The following NAT9 variants were observed in gnomAD, a reference collection of about 807,000 sequenced individuals.
NAT9 encodes the protein alpha/beta-tubulin-N-acetyltransferase 9.
Under a neutral mutation model 24.0 loss-of-function variants are expected in NAT9, and 18 were observed. The ratio of observed to expected loss-of-function variants is 0.75; its 90% CI spans 0.52 to 1.11. The LOEUF (loss-of-function observed/expected upper bound fraction) is 1.11, where lower values mean the gene tolerates loss of function less well. Ranked by LOEUF, NAT9 falls within the 50% of genes most tolerant of loss-of-function variation. The probability of loss-of-function intolerance (pLI) is 0.00; values close to 1 mark genes in which losing one functional copy is unlikely to be tolerated. For synonymous variants in NAT9, 104 were observed against 102.3 expected (o/e 1.02, Z -0.10); for missense variants, 254 against 258.6 (o/e 0.98, Z 0.12).
Position 74,771,590 on chromosome 17 carries a change from CA to C in NAT9, c.*133del. 7.2e-7 allele frequency: 1 copy of C among 1,385,108 alleles called. No individual in the cohort carries two copies. The highest frequency in any genetic ancestry group is 2.2e-5 in the Admixed American group (1 of 45,048). The allele number at this position is 1,385,108 out of a possible 1,614,324, so 85.8% of individuals were successfully genotyped here. ...GGAGGGAGGCCACAGCAAGCCCCGCCAGAGTCTGAAGGGCCTCGAAAGGTGA... is the reference window on the plus strand; with the variant it reads ...GGAGGGAGGCCACAGCAAGCCCCGCCGAGTCTGAAGGGCCTCGAAAGGTGA... On this transcript the variant is annotated 3_prime_UTR_variant, in exon 7 of 7. Transcript: ENST00000357814.
rs2035192401 is a variant in NAT9, at chr17:74,771,406, C to T, written c.*318G>A. On this transcript the variant is annotated 3_prime_UTR_variant, in exon 7 of 7. Coordinates refer to ENST00000357814, the MANE Select transcript of NAT9 (RefSeq NM_015654.5). ...AGGCCTGTCCACTCCCATCCATGTT[C>T]CAGGTCCCCCTGCACCTCCAGCTCC... 2.3e-6 allele frequency: 1 copy of T among 432,156 alleles called. No individual in the cohort carries two copies. Among genetic ancestry groups the T allele is most frequent in the South Asian group, 2.7e-5 (1 of 37,400 alleles). 26.8% of individuals were successfully genotyped at this position (432,156 alleles called of 1,614,324 possible). A position where few individuals can be genotyped will look rare whatever the true frequency, so the allele number is the denominator to read the frequency against.
intron 4 of NAT9, 52 bp from the exon 5 acceptor site, chr17:74,772,329 G>C: frequency 1.9e-6 from 3 of 1,602,400 alleles, no homozygotes; most frequent in Non-Finnish European, 2.6e-6. Context: ...GCTCCAGTGC[G>C]GGCACTTGGC....
intron 3 of NAT9, 61 bp downstream of exon 3, chr17:74,773,515 C>CT: frequency 7.0e-7 from 1 of 1,426,690 alleles, no homozygotes; most frequent in Non-Finnish European, 9.9e-7. Context: ...AACCTGGAGA[C>CT]TGACTGTGGA....
chr17:74,772,418 AAAG>A lies in NAT9; in HGVS notation c.335-144_335-142del. ...ATTCTGCAGACGAGGAAACAGGCAC[AAAG>A]AAGTGTGAAAGGCCTCACAGCTTGC... On this transcript the variant is annotated intron_variant, in intron 4 of 6. Coordinates refer to ENST00000357814, the MANE Select transcript of NAT9 (RefSeq NM_015654.5). The A allele has an allele frequency of 4.2e-6, 6 of 1,433,592 alleles. No individual in the cohort carries two copies. The South Asian group carries it at 8.2e-5, about 20-fold the overall frequency. 88.8% of individuals were successfully genotyped at this position (1,433,592 alleles called of 1,614,324 possible). A position where few individuals can be genotyped will look rare whatever the true frequency, so the allele number is the denominator to read the frequency against.
Position 74,772,210 on chromosome 17 carries a change from T to C in NAT9, c.394+8A>G. 1 of 1,614,226 alleles carries C rather than the reference T, an allele frequency of 6.2e-7. No individual in the cohort carries two copies. Among genetic ancestry groups the C allele is most frequent in the African/African-American group, 1.3e-5 (1 of 75,062 alleles). ...CACTTCCCGCATTGTCTGCTCACAC[T>C]TTCTTACCGTAAGACAGCATCGCGA... On this transcript the variant is annotated splice_region_variant and intron_variant, in intron 5 of 6. Transcript: ENST00000357814.
At chr17:74,774,152 G>T in intron 2 of NAT9, 1 of 167,410 alleles carries the variant, frequency 6.0e-6, no homozygotes, top group African/African-American at 2.4e-5. Context: ...CTCAGTCCTG[G>T]CCTTTTGAAT....
chr17:74,771,803 G>T lies in NAT9; in HGVS notation c.545C>A (p.Ser182Tyr). 6.2e-7 allele frequency: 1 copy of T among 1,614,174 alleles called. No individual in the cohort carries two copies. The highest frequency in any genetic ancestry group is 8.5e-7 in the Non-Finnish European group (1 of 1,180,040). The change falls in exon 7 of 7, where the codon TCC becomes TAC. Residue 182 changes from serine (S) to tyrosine (Y), a missense_variant. Coordinates refer to ENST00000357814, the MANE Select transcript of NAT9 (RefSeq NM_015654.5). Reference protein sequence around the residue: ...EVTLRLTVSESEHQWLLEQTS... With the variant: ...EVTLRLTVSEYEHQWLLEQTS... ...CTGCTCCAGAAGCCACTGATGCTCGGACTCACTCACTGTCAGTCTGAGGGT... is the reference window on the plus strand; with the variant it reads ...CTGCTCCAGAAGCCACTGATGCTCGTACTCACTCACTGTCAGTCTGAGGGT...
rs2035110270 is a variant in NAT9 at position 74,770,669 on chromosome 17, TCTAAGA to T, written c.*1049_*1054del. On this transcript the variant is annotated 3_prime_UTR_variant, in exon 7 of 7. Transcript: ENST00000357814. ...GGCCTTAGGCAAGTCACCTTACTTA[TCTAAGA>T]CTGTTTCCCCACCTGGAAGATGCCC... 1 of 152,226 alleles carries T rather than the reference TCTAAGA, an allele frequency of 6.6e-6. No homozygotes were observed. The highest frequency in any genetic ancestry group is 1.5e-5 in the Non-Finnish European group (1 of 68,028). The allele number at this position is 152,226 out of a possible 1,614,324, so 9.4% of individuals were successfully genotyped here.
Position 74,773,560 on chromosome 17 carries a change from G to T in NAT9, c.190+16C>A, listed in dbSNP as rs779170132. The T allele has an allele frequency of 1.2e-6, 2 of 1,602,602 alleles. No homozygotes were observed. Among genetic ancestry groups the T allele is most frequent in the South Asian group, 2.2e-5 (2 of 90,864 alleles). ...CCCAGTACCAGGGCTAGGGGAAGTG[G>T]GGGGGCACTCCTCACTGTCTGCATC... is the stretch of plus-strand genomic sequence containing the variant. On this transcript the variant is annotated intron_variant, in intron 3 of 6. Coordinates refer to ENST00000357814, the MANE Select transcript of NAT9 (RefSeq NM_015654.5).
intron 2 of NAT9, among the ~76,000 whole-genome samples, chr17:74,774,372 C>A (rs1292477887): frequency 6.6e-6 from 1 of 151,122 alleles, no homozygotes; most frequent in Non-Finnish European, 1.5e-5. Context: ...AGAGGATGGG[C>A]AGCTCCTCCC....
rs913975469 is a variant in NAT9 at position 74,771,443 on chromosome 17, C to T, written c.*281G>A. The stretch of plus-strand genomic sequence containing the variant: ...GCACCTCCAGCTCCCACCTTCATCC[C>T]GACATCTCCCATGGATCCCTGCCCT... On this transcript the variant is annotated 3_prime_UTR_variant, in exon 7 of 7. Transcript: ENST00000357814. The T allele has an allele frequency of 5.1e-5, 26 of 512,212 alleles. No individual in the cohort carries two copies. The Middle Eastern group carries it at 1.6e-3, about 31-fold the overall frequency. The allele number at this position is 512,212 out of a possible 1,614,324, so 31.7% of individuals were successfully genotyped here.
intron 4 of NAT9, 80 bp from the exon 5 acceptor site, chr17:74,772,357 A>T (rs759087966): frequency 1.3e-6 from 2 of 1,557,156 alleles, no homozygotes; most frequent in Non-Finnish European, 1.7e-6. Context: ...ATCTCATTTA[A>T]TTCTCAACAA....
At chr17:74,772,777 TCAC>T (rs2035404227) in intron 4 of NAT9, 116 bp downstream of exon 4, 5 of 1,461,380 alleles carry the variant, frequency 3.4e-6, no homozygotes, top group Admixed American at 3.9e-5. Context: ...GGCCCTGGAC[TCAC>T]CACATGGAGC....
chr17:74,775,748 A>T, intron 1 of NAT9, 41 bp from the exon 2 acceptor site: 2 of 1,574,544 alleles, frequency 1.3e-6, no homozygotes, highest in Non-Finnish European at 1.7e-6. Context: ...AGGACCCTGA[A>T]TTTCCTCCAA....
At position 74,771,830 on chromosome 17, in the gene NAT9, ACCT is replaced by A. The variant is rs764527097; in HGVS notation, c.515_517del (p.Glu172del). On this transcript the variant is annotated inframe_deletion, in exon 7 of 7. Transcript: ENST00000357814. ...CTCACTCACTGTCAGTCTGAGGGTC[ACCT>A]CCTGAAAAACACTGCTCGTAGCCAC... The A allele has an allele frequency of 1.9e-6, 3 of 1,614,042 alleles. No individual in the cohort carries two copies. The highest frequency in any genetic ancestry group is 2.2e-5 in the East Asian group (1 of 44,896).
chr17:74,775,983 C>T (rs2036006563), intron 1 of NAT9: 4 of 368,048 alleles, frequency 1.1e-5, no homozygotes, highest in Middle Eastern at 1.5e-3. Flanking sequence ...ATTCCTCAAA[C>T]CCAAGCACCA....
intron 1 of NAT9, 29 bp from the exon 2 acceptor site, chr17:74,775,736 T>G: frequency 1.9e-6 from 3 of 1,596,350 alleles, no homozygotes; most frequent in Non-Finnish European, 2.6e-6. Flanking sequence ...AGCAAAGACT[T>G]CAGGACCCTG....
Position 74,773,039 on chromosome 17 carries a change from T to C in NAT9, c.191A>G (p.Lys64Arg), listed in dbSNP as rs776013195. Reference sequence around the variant, plus strand: ...GGCATCCAGCACAATGAAGGTACACTCTGAGGAGGAGGTGACAGGGCTATC... The same window carrying C: ...GGCATCCAGCACAATGAAGGTACACCCTGAGGAGGAGGTGACAGGGCTATC... ...MQCSWQEDADKCTFIVLDAEK... is the reference protein window; with the variant it reads ...MQCSWQEDADRCTFIVLDAEK... The change falls in exon 4 of 7, where the codon AAG becomes AGG. Residue 64 changes from lysine to arginine, a missense_variant and splice_region_variant. Coordinates refer to ENST00000357814, the MANE Select transcript of NAT9 (RefSeq NM_015654.5). 2 of 1,613,512 alleles carry C rather than the reference T, an allele frequency of 1.2e-6. No homozygotes were observed. Among genetic ancestry groups the C allele is most frequent in the Non-Finnish European group, 1.7e-6 (2 of 1,179,848 alleles).
intron 5 of NAT9, 31 bp downstream of exon 5, chr17:74,772,187 C>G (rs759602450): frequency 6.2e-7 from 1 of 1,614,250 alleles, no homozygotes; most frequent in South Asian, 1.1e-5. Context: ...GGCCTGCCCA[C>G]TTCCCGCATT....
Sources: allele counts gnomAD v4.1 joint callset (sites outside exome capture counted in the v4.1 genomes callset), GRCh38; gene constraint gnomAD v4.1.1; transcripts MANE v1.5; gene names NCBI Gene and HGNC (gene_info 2026-07-23, HGNC 2026-07-21).